The following SPPL3 variants were observed in gnomAD, a reference collection of about 807,000 sequenced individuals.
SPPL3 encodes the protein signal peptide peptidase-like 3.
Under a neutral mutation model 42.4 loss-of-function variants are expected in SPPL3, and 5 were observed. The ratio of observed to expected loss-of-function variants is 0.12; its 90% CI spans 0.06 to 0.25. The LOEUF (loss-of-function observed/expected upper bound fraction) is 0.25. Among genes scored for constraint, SPPL3 ranks in the 10% least tolerant of loss-of-function variants. SPPL3 has a pLI of 1.00. For missense variants in SPPL3, 235 were observed against 489.0 expected, an observed-to-expected ratio of 0.48 and a Z score of 4.90; for synonymous variants, 195 against 181.8, an observed-to-expected ratio of 1.07 and a Z score of -0.58.
Position 120,894,454 on chromosome 12 carries a change from T to A in SPPL3, c.23+9391A>T, listed in dbSNP as rs114048500. Among the ~76,000 whole-genome samples, 894 of 152,348 alleles carry A rather than the reference T, an allele frequency of 5.9e-3. 11 individuals carry two copies. Among genetic ancestry groups the A allele is most frequent in the African/African-American group, 0.019 (807 of 41,588 alleles). ...TTGGAAGGTCAAGCTAAACAAGGTC[T>A]AGACAAAACTTAAACAACAAAACAA... is the stretch of plus-strand genomic sequence containing the variant. On this transcript the variant is annotated intron_variant, in intron 1 of 10. Transcript: ENST00000353487.
chr12:120,880,336 G>T (rs990180020), intron 1 of SPPL3, among the ~76,000 whole-genome samples: 1 of 152,014 alleles, frequency 6.6e-6, no homozygotes, highest in African/African-American at 2.4e-5. Context: ...AGAAAAAAGA[G>T]AAGGGCTTCA....
At chr12:120,814,412 T>C (rs912644298) in intron 1 of SPPL3, among the ~76,000 whole-genome samples, 2 of 152,222 alleles carry the variant, frequency 1.3e-5, no homozygotes, top group Non-Finnish European at 2.9e-5. Flanking sequence ...GGTCCTCTTT[T>C]GAACAACCAG....
chr12:120,796,691 G>A (rs1870109803), intron 2 of SPPL3, among the ~76,000 whole-genome samples: 1 of 152,194 alleles, frequency 6.6e-6, no homozygotes, highest in African/African-American at 2.4e-5. Context: ...AGGTGGGTCT[G>A]AAGCAGTGCT....
At chr12:120,807,530 C>T (rs1436466411) in intron 2 of SPPL3, among the ~76,000 whole-genome samples, 2 of 151,718 alleles carry the variant, frequency 1.3e-5, no homozygotes, top group African/African-American at 4.8e-5. Context: ...AAAAATCAGC[C>T]GGGCATGGTG....
At chr12:120,824,805 T>A (rs1201614053) in intron 1 of SPPL3, among the ~76,000 whole-genome samples, 1 of 152,212 alleles carries the variant, frequency 6.6e-6, no homozygotes, top group African/African-American at 2.4e-5. Flanking sequence ...CCCAACTTGC[T>A]GGGATTACAA....
At chr12:120,781,903 G>T (rs1869559499) in intron 6 of SPPL3, among the ~76,000 whole-genome samples, 1 of 151,552 alleles carries the variant, frequency 6.6e-6, no homozygotes, top group African/African-American at 2.4e-5. Flanking sequence ...AAAGAGACAG[G>T]GTCTCACTCT....
chr12:120,886,676 C>G (rs1873469106), intron 1 of SPPL3, among the ~76,000 whole-genome samples: 1 of 152,156 alleles, frequency 6.6e-6, no homozygotes, highest in Non-Finnish European at 1.5e-5. Context: ...CCTCTAAACA[C>G]CCTCTTCCCC....
At chr12:120,874,495 T>C (rs75424587) in intron 1 of SPPL3, among the ~76,000 whole-genome samples, 5,131 of 143,046 alleles carry the variant, frequency 0.036, 308 homozygotes, top group African/African-American at 0.12. Context: ...AGTGAGTAAA[T>C]GTAAAAGACA....
At chr12:120,819,688 C>T (rs1419032990) in intron 1 of SPPL3, among the ~76,000 whole-genome samples, 1 of 152,144 alleles carries the variant, frequency 6.6e-6, no homozygotes, top group Non-Finnish European at 1.5e-5. Context: ...TGGAATACAG[C>T]AGAAGTGCTT....
Position 120,769,148 on chromosome 12 carries a change from T to C in SPPL3, c.503-89A>G, listed in dbSNP as rs191000220. Reference sequence around the variant, plus strand: ...ACAAGCTATGGCCCTTCACAGAGTTTGCAATTCCCTCAAAAATCAGGCAGC... The same window carrying C: ...ACAAGCTATGGCCCTTCACAGAGTTCGCAATTCCCTCAAAAATCAGGCAGC... On this transcript the variant is annotated intron_variant, in intron 6 of 10. Transcript: ENST00000353487. 2.4e-5 allele frequency: 25 copies of C among 1,032,304 alleles called. No homozygotes were observed. In the Admixed American group the frequency reaches 6.4e-4, roughly 26 times the overall value. The allele number at this position is 1,032,304 out of a possible 1,614,324, so 63.9% of individuals were successfully genotyped here.
At chr12:120,777,329 A>G (rs1197874316) in intron 6 of SPPL3, among the ~76,000 whole-genome samples, 3 of 152,362 alleles carry the variant, frequency 2.0e-5, no homozygotes, top group Middle Eastern at 3.4e-3. Flanking sequence ...TCTGTGCCCC[A>G]ATAATTATCA....
At chr12:120,786,318 CTAAA>C (rs1869719731) in intron 3 of SPPL3, among the ~76,000 whole-genome samples, 1 of 152,116 alleles carries the variant, frequency 6.6e-6, no homozygotes, top group African/African-American at 2.4e-5. Context: ...TAAATTTTAC[CTAAA>C]TAGTTTTTAA....
At chr12:120,780,906 C>T (rs911610571) in intron 6 of SPPL3, among the ~76,000 whole-genome samples, 1 of 152,014 alleles carries the variant, frequency 6.6e-6, no homozygotes, top group African/African-American at 2.4e-5. Flanking sequence ...GCGAAACTCC[C>T]TCCCCCAAAA....
In SPPL3 at chr12:120,863,637, A is replaced by ATT. The variant is rs978205783; in HGVS notation, c.23+40206_23+40207dup. ...TATTATTCTTCAATACTGAAATGAA[A>ATT]TTCTACAGATGGTAGGTTTTTTAAT... On this transcript the variant is annotated intron_variant, in intron 1 of 10. Coordinates refer to ENST00000353487, the MANE Select transcript of SPPL3 (RefSeq NM_139015.5). 5.3e-5 allele frequency among the ~76,000 whole-genome samples: 8 copies of ATT among 152,278 alleles called. 1 individual carries two copies. Among genetic ancestry groups the ATT allele is most frequent in the African/African-American group, 1.9e-4 (8 of 41,550 alleles).
chr12:120,785,027 C>T (rs924775679), intron 3 of SPPL3, among the ~76,000 whole-genome samples: 5 of 152,222 alleles, frequency 3.3e-5, no homozygotes, highest in Admixed American at 6.5e-5. Flanking sequence ...CACTCTTTCT[C>T]GTTGTTGCTA....
intron 1 of SPPL3, among the ~76,000 whole-genome samples, chr12:120,898,675 A>C (rs1873884464): frequency 6.6e-6 from 1 of 152,132 alleles, no homozygotes; most frequent in African/African-American, 2.4e-5. Context: ...GCTTACAGTC[A>C]ACACTGTGGA....
chr12:120,787,318 A>G (rs1002842558), intron 3 of SPPL3, among the ~76,000 whole-genome samples: 5 of 152,340 alleles, frequency 3.3e-5, no homozygotes, highest in African/African-American at 1.2e-4. Flanking sequence ...AAGTTTAGTA[A>G]AAGTCTTTAA....
intron 1 of SPPL3, among the ~76,000 whole-genome samples, chr12:120,898,029 G>A (rs1016294448): frequency 7.2e-5 from 11 of 152,080 alleles, no homozygotes; most frequent in Admixed American, 3.9e-4. Context: ...TGAGTAGCAC[G>A]GGCCAGGCGC....
At chr12:120,806,260 C>T (rs148785679) in intron 2 of SPPL3, among the ~76,000 whole-genome samples, 18 of 149,516 alleles carry the variant, frequency 1.2e-4, no homozygotes, top group African/African-American at 4.4e-4. Context: ...TGCAGTGGCG[C>T]GATCATAGTT....
Sources: gnomAD v4.1 joint callset for allele counts (sites outside exome capture counted in the v4.1 genomes callset) on GRCh38, gnomAD v4.1.1 for gene constraint, MANE v1.5 for transcripts, NCBI Gene and HGNC (gene_info 2026-07-23, HGNC 2026-07-21) for gene names.